CBR4: variants seen among roughly 807,000 people sequenced by gnomAD.
CBR4 encodes carbonyl reductase 4.
CBR4 carries 22 observed loss-of-function variants against 21.0 expected under a neutral mutation model. The observed-to-expected ratio is 1.05, with a 90% CI of 0.75 to 1.50. The LOEUF is 1.50. Ranked by LOEUF, CBR4 falls within the 40% of genes most tolerant of loss-of-function variation. CBR4 has a pLI of 0.00. For synonymous variants in CBR4, 100 were observed against 104.4 expected (o/e 0.96, Z 0.26); for missense variants, 302 against 286.3 (o/e 1.05, Z -0.40).
At chr4:169,007,027 C>A in intron 2 of CBR4, 136 bp from the exon 3 acceptor site, 1 of 643,386 alleles carries the variant, frequency 1.6e-6, no homozygotes, top group Admixed American at 2.6e-5. Context: ...TACCTAGAGT[C>A]CCATTTTGAA....
At chr4:168,894,828 C>A in intron 2 of CBR4, 1 of 1,318,922 alleles carries the variant, frequency 7.6e-7, no homozygotes. Flanking sequence ...AACCTCACAG[C>A]TAATTTTTAT....
chr4:168,984,142 G>A (rs1306948611), downstream of CBR4, among the ~76,000 whole-genome samples: 1 of 152,006 alleles, frequency 6.6e-6, no homozygotes, highest in Non-Finnish European at 1.5e-5. Context: ...ATGATGTAAT[G>A]CTATACTAGA....
At chr4:168,927,945 GT>G (rs1375919441) in intron 2 of CBR4, 4 of 199,316 alleles carry the variant, frequency 2.0e-5, no homozygotes, top group African/African-American at 9.2e-5. Context: ...TCTTAGCTCA[GT>G]TACTCAATTC....
At chr4:168,957,603 A>G (rs1004545425) in intron 2 of CBR4, among the ~76,000 whole-genome samples, 1 of 152,200 alleles carries the variant, frequency 6.6e-6, no homozygotes, top group Non-Finnish European at 1.5e-5. Flanking sequence ...AAGTTTTCTC[A>G]TGCACCTTGT....
chr4:168,908,180 G>A (rs1758203071), intron 2 of CBR4, among the ~76,000 whole-genome samples: 2 of 152,144 alleles, frequency 1.3e-5, no homozygotes, highest in African/African-American at 4.8e-5. Context: ...CTTCTTTTCT[G>A]TCTTGGGGGC....
intron 2 of CBR4, among the ~76,000 whole-genome samples, chr4:168,934,051 CAA>C (rs1207982176): frequency 6.6e-6 from 1 of 151,540 alleles, no homozygotes; most frequent in African/African-American, 2.4e-5. Context: ...ACATCTATAT[CAA>C]AAAAGTAAAA....
intron 2 of CBR4, among the ~76,000 whole-genome samples, chr4:168,956,435 A>T (rs1763685898): frequency 1.3e-5 from 2 of 151,780 alleles, no homozygotes; most frequent in African/African-American, 2.4e-5. Context: ...TCTCCACAAA[A>T]AAAAACACAA....
At chr4:168,944,473 G>C (rs930764162) in intron 2 of CBR4, among the ~76,000 whole-genome samples, 1 of 151,512 alleles carries the variant, frequency 6.6e-6, no homozygotes, top group Non-Finnish European at 1.5e-5. Context: ...GTGAGACCCT[G>C]CCTCTAAAAA....
chr4:168,987,670 T>C lies in CBR4; in HGVS notation c.*2480A>G, dbSNP rs1764735051. ...TGGTTATGATTTCTCAATTTACACATATTCCTTTTGAAAATCTTAGAAAAA... is the reference window on the plus strand; with the variant it reads ...TGGTTATGATTTCTCAATTTACACACATTCCTTTTGAAAATCTTAGAAAAA... On this transcript the variant is annotated 3_prime_UTR_variant, in exon 5 of 5. Coordinates refer to ENST00000306193, the MANE Select transcript of CBR4 (RefSeq NM_032783.5). 14 of 975,796 alleles carry C rather than the reference T, an allele frequency of 1.4e-5. No homozygotes were observed. The highest frequency in any genetic ancestry group is 1.7e-5 in the Non-Finnish European group (14 of 821,192). 60.4% of individuals were successfully genotyped at this position (975,796 alleles called of 1,614,324 possible). A position where few individuals can be genotyped will look rare whatever the true frequency, so the allele number is the denominator to read the frequency against.
At chr4:168,945,871 C>A (rs1763383089) in intron 2 of CBR4, among the ~76,000 whole-genome samples, 1 of 152,044 alleles carries the variant, frequency 6.6e-6, no homozygotes, top group Admixed American at 6.6e-5. Context: ...GAGACAAACG[C>A]TAGAAAGCAG....
At chr4:168,974,251 C>T (rs1764302331) in intron 2 of CBR4, among the ~76,000 whole-genome samples, 1 of 152,204 alleles carries the variant, frequency 6.6e-6, no homozygotes. Flanking sequence ...TCACTTCTGC[C>T]TTGCAGGGTT....
At chr4:168,900,308 C>T (rs1226440049) in intron 2 of CBR4, among the ~76,000 whole-genome samples, 2 of 151,922 alleles carry the variant, frequency 1.3e-5, no homozygotes, top group Non-Finnish European at 2.9e-5. Context: ...AGTCATAGTA[C>T]AAGAAACAGA....
rs142549570 is a variant in CBR4 at position 168,974,756 on chromosome 4, T to C, written n.169+27315A>G. ...TGTCTGTTTCATTTCCAGATTATGA[T>C]TGTCTTTTCTTTATGATATCTATTT... On this transcript the variant is annotated intron_variant and non_coding_transcript_variant, in intron 2 of 3. Transcript: ENST00000509108. 2.8e-3 allele frequency among the ~76,000 whole-genome samples: 425 copies of C among 152,266 alleles called. 5 individuals are homozygous for C. The highest frequency in any genetic ancestry group is 8.5e-3 in the South Asian group (41 of 4,822).
At chr4:168,947,139 G>A (rs918957872) in intron 2 of CBR4, among the ~76,000 whole-genome samples, 2 of 151,360 alleles carry the variant, frequency 1.3e-5, no homozygotes, top group Non-Finnish European at 2.9e-5. Context: ...TTTTTAAATT[G>A]GGTAAGATAT....
intron 2 of CBR4, among the ~76,000 whole-genome samples, chr4:168,951,546 T>G (rs955800175): frequency 6.6e-6 from 1 of 152,262 alleles, no homozygotes; most frequent in African/African-American, 2.4e-5. Flanking sequence ...TCTGCTTTGA[T>G]GTGTTTCCAG....
intron 2 of CBR4, among the ~76,000 whole-genome samples, chr4:168,981,194 G>A (rs1764535197): frequency 6.6e-6 from 1 of 152,160 alleles, no homozygotes; most frequent in African/African-American, 2.4e-5. Context: ...GAGGTCAGGA[G>A]TTCAAGACCA....
At chr4:168,898,302 T>C (rs547735046) in intron 2 of CBR4, 470 of 615,824 alleles carry the variant, frequency 7.6e-4, no homozygotes, top group Non-Finnish European at 2.3e-4. Context: ...TTGAAGACAA[T>C]CTGAAATACC....
chr4:168,944,657 T>C (rs1452747359), intron 2 of CBR4, among the ~76,000 whole-genome samples: 6 of 152,238 alleles, frequency 3.9e-5, no homozygotes, highest in Non-Finnish European at 8.8e-5. Context: ...AAACTGTATT[T>C]CTTCAAAAGA....
In CBR4 at chr4:168,989,714, A is replaced by G. The variant is rs1312611478; in HGVS notation, c.*436T>C. On this transcript the variant is annotated 3_prime_UTR_variant, in exon 5 of 5. Transcript: ENST00000306193. Reference sequence around the variant, plus strand: ...TTTTTCCACTTTTGAGACAAAATATATAAATCAATACTTGTTTATATGACT... The same window carrying G: ...TTTTTCCACTTTTGAGACAAAATATGTAAATCAATACTTGTTTATATGACT... 1.0e-6 allele frequency: 1 copy of G among 980,970 alleles called. No individual in the cohort carries two copies. The allele number at this position is 980,970 out of a possible 1,614,324, so 60.8% of individuals were successfully genotyped here. A position where few individuals can be genotyped will look rare whatever the true frequency, so the allele number is the denominator to read the frequency against.
Sources: allele counts gnomAD v4.1 joint callset (sites outside exome capture counted in the v4.1 genomes callset), GRCh38; gene constraint gnomAD v4.1.1; transcripts MANE v1.5; gene names NCBI Gene and HGNC (gene_info 2026-07-23, HGNC 2026-07-21).